The following STXBP6 variants were observed in gnomAD, a reference collection of about 807,000 sequenced individuals.
STXBP6 encodes syntaxin-binding protein 6.
STXBP6 carries 21 observed loss-of-function variants against 26.9 expected under a neutral mutation model. The ratio of observed to expected loss-of-function variants is 0.78; its 90% confidence interval spans 0.55 to 1.12. The LOEUF is 1.12. Ranked by LOEUF, STXBP6 falls within the 50% of genes most tolerant of loss-of-function variation. The pLI is 0.00. For synonymous variants in STXBP6, 97 were observed against 92.6 expected (o/e 1.05, Z -0.27); for missense variants, 232 against 257.9 (o/e 0.90, Z 0.69).
At chr14:25,047,277 T>C (rs368443148) in intron 1 of STXBP6, among the ~76,000 whole-genome samples, 10 of 152,156 alleles carry the variant, frequency 6.6e-5, no homozygotes. Context: ...TTTTACAGTA[T>C]GAAAAGAAGG....
intron 2 of STXBP6, among the ~76,000 whole-genome samples, chr14:24,919,164 G>C (rs1444371014): frequency 2.6e-5 from 4 of 151,998 alleles, no homozygotes; most frequent in South Asian, 2.1e-4. Context: ...TTATGCAACA[G>C]GTACTATGTC....
At chr14:24,867,103 T>C (rs899361516) in intron 2 of STXBP6, among the ~76,000 whole-genome samples, 2 of 151,996 alleles carry the variant, frequency 1.3e-5, no homozygotes, top group African/African-American at 4.8e-5. Context: ...GTTGGGCCCT[T>C]GAGAAAGAGA....
At chr14:25,019,263 T>C (rs1187089173) in intron 1 of STXBP6, among the ~76,000 whole-genome samples, 3 of 152,302 alleles carry the variant, frequency 2.0e-5, no homozygotes, top group Non-Finnish European at 2.9e-5. Flanking sequence ...CTCAGGACTC[T>C]CTAATATCTG....
rs182297826 is a variant in STXBP6 at position 24,961,264 on chromosome 14, G to A, written c.154+13401C>T. Among the ~76,000 whole-genome samples, 230 of 152,220 alleles carry A rather than the reference G, an allele frequency of 1.5e-3. 2 individuals are homozygous for A. Among genetic ancestry groups the A allele is most frequent in the African/African-American group, 5.3e-3 (221 of 41,538 alleles). On this transcript the variant is annotated intron_variant, in intron 2 of 5. Transcript: ENST00000323944. ...GAACAACAGACAATGGGGTCTAGTTGAGGCTGGAAGGTGGGAGAAGGGAGA... is the reference window on the plus strand; with the variant it reads ...GAACAACAGACAATGGGGTCTAGTTAAGGCTGGAAGGTGGGAGAAGGGAGA...
At chr14:25,044,865 C>T (rs1175399119) in intron 1 of STXBP6, among the ~76,000 whole-genome samples, 1 of 152,234 alleles carries the variant, frequency 6.6e-6, no homozygotes, top group Non-Finnish European at 1.5e-5. Flanking sequence ...TTTACTCCTG[C>T]TTCATTATCC....
chr14:24,882,245 G>A (rs571522801), intron 2 of STXBP6, among the ~76,000 whole-genome samples: 20 of 149,446 alleles, frequency 1.3e-4, no homozygotes, highest in Admixed American at 1.1e-3. Flanking sequence ...CGGGCGTAGT[G>A]GCGGGCGCCT....
At chr14:24,960,843 T>C (rs1049074649) in intron 2 of STXBP6, among the ~76,000 whole-genome samples, 3 of 152,266 alleles carry the variant, frequency 2.0e-5, no homozygotes, top group Admixed American at 6.5e-5. Context: ...GAGAGACATG[T>C]ATCTTCAAAT....
At chr14:25,013,501 CA>C (rs2075079425) in intron 1 of STXBP6, among the ~76,000 whole-genome samples, 8 of 151,696 alleles carry the variant, frequency 5.3e-5, no homozygotes, top group African/African-American at 1.5e-4. Flanking sequence ...CACACACACA[CA>C]CCCCTAAAGG....
intron 2 of STXBP6, among the ~76,000 whole-genome samples, chr14:24,882,735 C>T (rs2070420464): frequency 6.6e-6 from 1 of 152,144 alleles, no homozygotes; most frequent in African/African-American, 2.4e-5. Context: ...ATAGATAGAA[C>T]CCTTAAATCA....
chr14:24,854,183 T>C (rs572392933), intron 4 of STXBP6, among the ~76,000 whole-genome samples: 7 of 152,172 alleles, frequency 4.6e-5, no homozygotes, highest in East Asian at 1.9e-4. Flanking sequence ...GTGCAGTCTG[T>C]TAAGGGAGGA....
chr14:24,868,706 G>A (rs1046362828), intron 2 of STXBP6, among the ~76,000 whole-genome samples: 3 of 152,148 alleles, frequency 2.0e-5, no homozygotes, highest in Admixed American at 1.3e-4. Context: ...GGCAGGAGTG[G>A]GCATGAAAGC....
chr14:25,002,463 G>T (rs1210448290), intron 1 of STXBP6, among the ~76,000 whole-genome samples: 3 of 150,376 alleles, frequency 2.0e-5, no homozygotes, highest in African/African-American at 7.4e-5. Context: ...GGGTTCAAGC[G>T]ATTCTCTTGC....
intron 4 of STXBP6, among the ~76,000 whole-genome samples, chr14:24,833,176 T>C (rs1277308156): frequency 6.6e-6 from 1 of 152,170 alleles, no homozygotes. Flanking sequence ...CCTCATGACG[T>C]TGCAGTTACA....
chr14:25,029,148 T>A (rs957978546), intron 1 of STXBP6, among the ~76,000 whole-genome samples: 2 of 152,180 alleles, frequency 1.3e-5, no homozygotes, highest in African/African-American at 4.8e-5. Context: ...TTTGAAAGGA[T>A]TGATTCCAAT....
intron 2 of STXBP6, among the ~76,000 whole-genome samples, chr14:24,911,899 A>G (rs1595095339): frequency 1.3e-5 from 2 of 152,278 alleles, no homozygotes; most frequent in East Asian, 3.9e-4. Context: ...GTTGTCTTCT[A>G]CCCATGAGTC....
At chr14:25,040,559 T>C (rs1483743246) in intron 1 of STXBP6, among the ~76,000 whole-genome samples, 4 of 152,228 alleles carry the variant, frequency 2.6e-5, no homozygotes, top group Admixed American at 6.5e-5. Context: ...TGTATTATGT[T>C]AGCATATGAT....
chr14:24,913,495 T>TACA (rs570747718), intron 2 of STXBP6, among the ~76,000 whole-genome samples: 57 of 151,856 alleles, frequency 3.8e-4, no homozygotes, highest in East Asian at 1.5e-3. Context: ...AAATTAACAA[T>TACA]ACAACAACAA....
chr14:25,036,969 T>C (rs2075566464), intron 1 of STXBP6, among the ~76,000 whole-genome samples: 1 of 152,010 alleles, frequency 6.6e-6, no homozygotes, highest in Non-Finnish European at 1.5e-5. Flanking sequence ...ACACGGAATA[T>C]ATTTCCAACA....
At chr14:24,822,302 T>A (rs1333497199) in intron 4 of STXBP6, among the ~76,000 whole-genome samples, 4 of 152,138 alleles carry the variant, frequency 2.6e-5, no homozygotes, top group Non-Finnish European at 5.9e-5. Flanking sequence ...AAAGGTCACC[T>A]CCTATACAGC....
Sources: gnomAD v4.1 joint callset for allele counts (sites outside exome capture counted in the v4.1 genomes callset) on GRCh38, gnomAD v4.1.1 for gene constraint, MANE v1.5 for transcripts, NCBI Gene and HGNC (gene_info 2026-07-23, HGNC 2026-07-21) for gene names.